AGAP1: variants seen among roughly 807,000 people sequenced by gnomAD.
AGAP1 encodes arf-GAP with GTPase, ANK repeat and PH domain-containing protein 1.
In AGAP1, 29 loss-of-function variants were observed where a neutral mutation model predicts 105.3. That is an observed-to-expected ratio of 0.28 (90% CI 0.21 to 0.38). The LOEUF is 0.38. Ranked by LOEUF, AGAP1 falls within the 10% of genes least tolerant of loss-of-function variation. The pLI is 1.00. For missense variants in AGAP1, 998 were observed against 1,165.1 expected, an observed-to-expected ratio of 0.86 and a Z score of 2.09; for synonymous variants, 509 against 485.9, an observed-to-expected ratio of 1.05 and a Z score of -0.63.
chr2:235,870,147 A>T (rs1032431396), intron 9 of AGAP1, among the ~76,000 whole-genome samples: 2 of 152,176 alleles, frequency 1.3e-5, no homozygotes, highest in Non-Finnish European at 2.9e-5. Context: ...GCCTGTCCCC[A>T]GCTACCCAAA....
intron 17 of AGAP1, among the ~76,000 whole-genome samples, chr2:236,122,498 C>CA (rs1384538918): frequency 2.0e-5 from 3 of 152,102 alleles, no homozygotes; most frequent in Non-Finnish European, 4.4e-5. Flanking sequence ...GACTCCCACA[C>CA]ATTGTGAGTT....
intron 1 of AGAP1, chr2:235,670,639 C>G (rs1948349793): frequency 1.6e-6 from 1 of 627,886 alleles, no homozygotes; most frequent in Non-Finnish European, 2.8e-6. Context: ...GCTCCGGGAG[C>G]CTGGCCTGGG....
intron 9 of AGAP1, among the ~76,000 whole-genome samples, chr2:235,869,673 T>C (rs1271456580): frequency 3.3e-5 from 5 of 152,180 alleles, no homozygotes; most frequent in Non-Finnish European, 5.9e-5. Context: ...GCAGGGCATA[T>C]TGGGGACAGT....
chr2:235,708,939 G>A (rs1417981023), intron 1 of AGAP1, among the ~76,000 whole-genome samples: 2 of 152,188 alleles, frequency 1.3e-5, no homozygotes, highest in African/African-American at 4.8e-5. Flanking sequence ...AGTAACTTTT[G>A]AAGTCATTGG....
chr2:235,621,253 C>T lies in AGAP1; in HGVS notation c.164-87926C>T, dbSNP rs890857235. Among the ~76,000 whole-genome samples, 4 of 152,142 alleles carry T rather than the reference C, an allele frequency of 2.6e-5. No individual in the cohort carries two copies. The highest frequency in any genetic ancestry group is 9.7e-5 in the African/African-American group (4 of 41,424). On this transcript the variant is annotated intron_variant, in intron 1 of 17. Transcript: ENST00000304032. The surrounding 1 kb of genome is among the most constrained non-coding windows in gnomAD (Gnocchi z 4.1). Reference sequence around the variant, plus strand: ...GCCAGGGTGGTCTTGAACTCCTGACCTCTGGTGATCCGCCCACCTCGGCCT... The same window carrying T: ...GCCAGGGTGGTCTTGAACTCCTGACTTCTGGTGATCCGCCCACCTCGGCCT...
rs996263981 is a variant in AGAP1, at chr2:235,705,981, C to T, written c.164-3198C>T. Reference sequence around the variant, plus strand: ...AGCTCATTTTAATTCACAGTTTACCCTCTTTGTTTTACTATTAAAGTTCAT... The same window carrying T: ...AGCTCATTTTAATTCACAGTTTACCTTCTTTGTTTTACTATTAAAGTTCAT... On this transcript the variant is annotated intron_variant, in intron 1 of 17. Coordinates refer to ENST00000304032, the MANE Select transcript of AGAP1 (RefSeq NM_001037131.3). This position sits in a 1 kb window ranked among gnomAD's most constrained non-coding sequence, Gnocchi z 4.9. 6.6e-6 allele frequency among the ~76,000 whole-genome samples: 1 copy of T among 152,160 alleles called. No individual in the cohort carries two copies. Among genetic ancestry groups the T allele is most frequent in the Non-Finnish European group, 1.5e-5 (1 of 68,030 alleles).
At chr2:235,677,325 T>C (rs1308587531) in intron 1 of AGAP1, among the ~76,000 whole-genome samples, 3 of 152,176 alleles carry the variant, frequency 2.0e-5, no homozygotes, top group Non-Finnish European at 2.9e-5. Context: ...ATGAGAGTCC[T>C]CTCCTCTCTC....
rs1427785683 is a variant in AGAP1 at position 236,095,706 on chromosome 2, A to G, written c.2115-24486A>G. ...AAAACTAATTAGAATAATGCTGACA[A>G]TGTAAAATTGTGGGAAAAAACTTTT... On this transcript the variant is annotated intron_variant, in intron 16 of 17. Transcript: ENST00000304032. This position sits in a 1 kb window ranked among gnomAD's most constrained non-coding sequence, Gnocchi z 4.1. Among the ~76,000 whole-genome samples, 1 of 152,228 alleles carries G rather than the reference A, an allele frequency of 6.6e-6. No homozygotes were observed. Among genetic ancestry groups the G allele is most frequent in the Non-Finnish European group, 1.5e-5 (1 of 68,044 alleles).
Position 235,616,579 on chromosome 2 carries a change from A to G in AGAP1, c.164-92600A>G, listed in dbSNP as rs890810430. On this transcript the variant is annotated intron_variant, in intron 1 of 17. Transcript: ENST00000304032. ...TGACCTGGCAATTTCATTTCTGCCT[A>G]TCTTCTTTTAACCCTAGATTGATTA... Among the ~76,000 whole-genome samples, 7 of 151,590 alleles carry G rather than the reference A, an allele frequency of 4.6e-5. No homozygotes were observed. The South Asian group carries it at 1.0e-3, about 22-fold the overall frequency.
chr2:235,701,373 A>G lies in AGAP1; in HGVS notation c.164-7806A>G, dbSNP rs542622025. On this transcript the variant is annotated intron_variant, in intron 1 of 17. Coordinates refer to ENST00000304032, the MANE Select transcript of AGAP1 (RefSeq NM_001037131.3). This position sits in a 1 kb window ranked among gnomAD's most constrained non-coding sequence, Gnocchi z 4.1. The stretch of plus-strand genomic sequence containing the variant: ...GGGAAAGAGCCTTGGAATTGCAGGC[A>G]GTGGCGTGGATGTACCTGCAGGGGT... 6.6e-6 allele frequency among the ~76,000 whole-genome samples: 1 copy of G among 152,032 alleles called. No individual in the cohort carries two copies. The highest frequency in any genetic ancestry group is 2.1e-4 in the South Asian group (1 of 4,796).
intron 16 of AGAP1, among the ~76,000 whole-genome samples, chr2:236,054,971 G>C (rs1248728290): frequency 6.6e-6 from 1 of 152,112 alleles, no homozygotes; most frequent in Non-Finnish European, 1.5e-5. Context: ...GTGAGTAATA[G>C]AGGCAGAAAT....
chr2:235,726,742 A>G (rs73996338), intron 3 of AGAP1, among the ~76,000 whole-genome samples: 2,550 of 152,162 alleles, frequency 0.017, 69 homozygotes, highest in African/African-American at 0.059. Context: ...GTGTTAGTCA[A>G]TGCTCTTTTG....
chr2:235,937,260 A>G (rs2053037935), intron 12 of AGAP1, among the ~76,000 whole-genome samples: 1 of 152,202 alleles, frequency 6.6e-6, no homozygotes, highest in African/African-American at 2.4e-5. Flanking sequence ...CCTAATTAAA[A>G]GGCTGACCCC....
chr2:235,589,912 G>A (rs995922206), intron 1 of AGAP1, among the ~76,000 whole-genome samples: 8 of 151,302 alleles, frequency 5.3e-5, no homozygotes, highest in African/African-American at 1.7e-4. Context: ...ATGGTATCTC[G>A]TTCTGTCGCC....
intron 1 of AGAP1, among the ~76,000 whole-genome samples, chr2:235,646,492 G>A (rs114585846): frequency 2.2e-3 from 330 of 152,278 alleles, no homozygotes; most frequent in Non-Finnish European, 3.2e-3. Context: ...AAAACCAGAC[G>A]TCAGCTTGCA....
At position 235,992,013 on chromosome 2, in the gene AGAP1, T is replaced by C. The variant is rs1360272296; in HGVS notation, c.1645+23390T>C. 2.0e-5 allele frequency among the ~76,000 whole-genome samples: 3 copies of C among 152,230 alleles called. No individual in the cohort carries two copies. The highest frequency in any genetic ancestry group is 4.4e-5 in the Non-Finnish European group (3 of 68,044). ...CAAATGTCCACATTTCTCTCTCATC[T>C]GTGAAGGCCCGTTGAGACTGCTCAG... On this transcript the variant is annotated intron_variant, in intron 13 of 17. Coordinates refer to ENST00000304032, the MANE Select transcript of AGAP1 (RefSeq NM_001037131.3). This position sits in a 1 kb window ranked among gnomAD's most constrained non-coding sequence, Gnocchi z 4.8.
At chr2:235,677,959 C>CAAAAAAAAAAAAAAAAAAAAA (rs1448333130) in intron 1 of AGAP1, among the ~76,000 whole-genome samples, 3 of 67,348 alleles carry the variant, frequency 4.5e-5, no homozygotes, top group African/African-American at 4.9e-5. Context: ...AAAAAAAAAG[C>CAAAAAAAAAAAAAAAAAAAAA]AAAACCAGTT....
rs2053998291 is a variant in AGAP1, at chr2:235,957,461, G to A, written c.1484-11001G>A. Among the ~76,000 whole-genome samples, 2 of 152,224 alleles carry A rather than the reference G, an allele frequency of 1.3e-5. No homozygotes were observed. The highest frequency in any genetic ancestry group is 4.1e-4 in the South Asian group (2 of 4,822). On this transcript the variant is annotated intron_variant, in intron 12 of 17. Coordinates refer to ENST00000304032, the MANE Select transcript of AGAP1 (RefSeq NM_001037131.3). This position sits in a 1 kb window ranked among gnomAD's most constrained non-coding sequence, Gnocchi z 4.6. ...CTGGGCCCCCTGCCGTGTCCCCGCTGCCCCTCTGACATTGTGTACCTCTGT... is the reference window on the plus strand; with the variant it reads ...CTGGGCCCCCTGCCGTGTCCCCGCTACCCCTCTGACATTGTGTACCTCTGT...
chr2:235,851,514 A>G (rs951205976), intron 9 of AGAP1, among the ~76,000 whole-genome samples: 1 of 152,182 alleles, frequency 6.6e-6, no homozygotes, highest in South Asian at 2.1e-4. Flanking sequence ...TTTTAAAGCA[A>G]AGTGTATTGT....
Sources: gnomAD v4.1 joint callset for allele counts (sites outside exome capture counted in the v4.1 genomes callset) on GRCh38, gnomAD v4.1.1 for gene constraint, Gnocchi (gnomAD v3.1) non-coding constraint, MANE v1.5 for transcripts, NCBI Gene and HGNC (gene_info 2026-07-23, HGNC 2026-07-21) for gene names.